Variants in ZNF536 observed in about 807,000 individuals in gnomAD.
ZNF536 encodes the protein zinc finger protein 536.
In ZNF536, 13 loss-of-function variants were observed where a neutral mutation model predicts 84.5. That is an observed-to-expected ratio of 0.15 (90% CI 0.10 to 0.24). The LOEUF (loss-of-function observed/expected upper bound fraction) is 0.24. ZNF536 is among the 10% of genes least tolerant of loss of function. The pLI is 1.00. For synonymous variants in ZNF536, 811 were observed against 742.5 expected, an observed-to-expected ratio of 1.09 and a Z score of -1.50; for missense variants, 1,536 against 1,747.5, an observed-to-expected ratio of 0.88 and a Z score of 2.16.
At chr19:30,650,279 C>T (rs2049650548) in intron 1 of ZNF536, among the ~76,000 whole-genome samples, 4 of 152,186 alleles carry the variant, frequency 2.6e-5, no homozygotes. Flanking sequence ...GGTGAGAGCC[C>T]TGACCCCGTT....
intron 1 of ZNF536, among the ~76,000 whole-genome samples, chr19:30,405,780 AT>A (rs199547095): frequency 0.14 from 20,163 of 141,288 alleles, 1,304 homozygotes; most frequent in East Asian, 0.21. Flanking sequence ...CACTGTTAAC[AT>A]TTTTTTTTTT....
chr19:30,262,967 G>A (rs978315180), intron 1 of ZNF536, among the ~76,000 whole-genome samples: 1 of 152,336 alleles, frequency 6.6e-6, no homozygotes. Context: ...GGGTGCTAGA[G>A]CACCAAGCCC....
chr19:30,290,258 A>G (rs1343298424), intron 2 of ZNF536, among the ~76,000 whole-genome samples: 1 of 152,074 alleles, frequency 6.6e-6, no homozygotes, highest in Non-Finnish European at 1.5e-5. Flanking sequence ...TATATACCAC[A>G]TTTTATTTTA....
rs577281253 is a variant in ZNF536 at position 30,682,906 on chromosome 19, A to G, written c.170-27851A>G. 4.6e-5 allele frequency among the ~76,000 whole-genome samples: 7 copies of G among 152,300 alleles called. No homozygotes were observed. In the South Asian group the frequency reaches 6.2e-4, roughly 14 times the overall value. On this transcript the variant is annotated intron_variant, in intron 1 of 1. Coordinates refer to the ZNF536 transcript ENST00000592773. ...CTGGTCTCCATGACGACAAGATGGT[A>G]TATGTTTAATTAGTTCAGGCTTATT...
intron 1 of ZNF536, among the ~76,000 whole-genome samples, chr19:30,423,634 C>T (rs74377003): frequency 0.014 from 2,156 of 152,324 alleles, 39 homozygotes; most frequent in East Asian, 0.073. Context: ...GCCAGGCCTT[C>T]GCCAGCTGGG....
intron 1 of ZNF536, among the ~76,000 whole-genome samples, chr19:30,230,896 G>A (rs1372901177): frequency 6.6e-6 from 1 of 152,022 alleles, no homozygotes; most frequent in Non-Finnish European, 1.5e-5. Context: ...GCTGTGAATG[G>A]CACAGGTGTT....
At chr19:30,712,947 T>TAAAAAAA (rs1568700392) in exon 2 of ZNF536, 1 of 96,326 alleles carries the variant, frequency 1.0e-5, no homozygotes, top group African/African-American at 3.9e-5. Context: ...AAAAAAAACA[T>TAAAAAAA]AAAAAAAAAA....
chr19:30,270,180 A>G (rs1169091452), intron 1 of ZNF536, among the ~76,000 whole-genome samples: 1 of 152,224 alleles, frequency 6.6e-6, no homozygotes, highest in Non-Finnish European at 1.5e-5. Context: ...AAGACCCACC[A>G]GCCGACAATT....
intron 1 of ZNF536, among the ~76,000 whole-genome samples, chr19:30,247,123 C>T (rs2024324073): frequency 6.6e-6 from 1 of 152,234 alleles, no homozygotes; most frequent in Non-Finnish European, 1.5e-5. Context: ...AAGTCTCCAG[C>T]TTCCTGTTCC....
chr19:30,640,319 G>T (rs1179908110), intron 1 of ZNF536, among the ~76,000 whole-genome samples: 1 of 152,006 alleles, frequency 6.6e-6, no homozygotes, highest in African/African-American at 2.4e-5. Context: ...AGCTTTTCTA[G>T]TTGTGCTCAA....
At chr19:30,563,853 G>T (rs2046260334) in intron 1 of ZNF536, among the ~76,000 whole-genome samples, 1 of 152,172 alleles carries the variant, frequency 6.6e-6, no homozygotes, top group Admixed American at 6.5e-5. Context: ...TGCCCAGCCT[G>T]ACAACCCCTG....
chr19:30,584,692 C>T (rs995458684), intron 1 of ZNF536, among the ~76,000 whole-genome samples: 1 of 152,182 alleles, frequency 6.6e-6, no homozygotes, highest in East Asian at 1.9e-4. Flanking sequence ...CCTGATTCAT[C>T]ATCATTTCTC....
intron 1 of ZNF536, among the ~76,000 whole-genome samples, chr19:30,393,651 A>C (rs2147373292): frequency 6.6e-6 from 1 of 152,194 alleles, no homozygotes; most frequent in Non-Finnish European, 1.5e-5. Context: ...AGAGCGTTCC[A>C]GGCAGAGGGA....
At chr19:30,287,070 C>T (rs1012347158) in intron 2 of ZNF536, among the ~76,000 whole-genome samples, 7 of 152,178 alleles carry the variant, frequency 4.6e-5, no homozygotes, top group African/African-American at 9.7e-5. Flanking sequence ...TCTCCTACTG[C>T]GACGTAAGAG....
intron 2 of ZNF536, among the ~76,000 whole-genome samples, chr19:30,457,866 C>T (rs916255177): frequency 2.0e-5 from 3 of 152,162 alleles, no homozygotes; most frequent in Non-Finnish European, 4.4e-5. Context: ...AGGGCTGCAC[C>T]CCCAGTATGT....
intron 1 of ZNF536, among the ~76,000 whole-genome samples, chr19:30,684,802 G>A (rs978437494): frequency 9.2e-5 from 14 of 152,160 alleles, no homozygotes; most frequent in African/African-American, 2.9e-4. Context: ...CGCAGGGGGC[G>A]GGACATGGGC....
At chr19:30,440,298 C>T (rs954594782) in intron 1 of ZNF536, among the ~76,000 whole-genome samples, 2 of 152,222 alleles carry the variant, frequency 1.3e-5, no homozygotes, top group Non-Finnish European at 2.9e-5. Context: ...GAACCTTCAG[C>T]TTCTCAGTGG....
At chr19:30,228,508 CCGAGAACT>C (rs1259191304) in exon 1 of ZNF536, 2 of 152,148 alleles carry the variant, frequency 1.3e-5, no homozygotes, top group Non-Finnish European at 2.9e-5. This position sits in a 1 kb window ranked among gnomAD's most constrained non-coding sequence, Gnocchi z 4.5. Context: ...CGGGGCTGCT[CCGAGAACT>C]CGTACAGTAG....
intron 1 of ZNF536, among the ~76,000 whole-genome samples, chr19:30,276,984 A>G (rs2026162362): frequency 6.6e-6 from 1 of 152,238 alleles, no homozygotes; most frequent in South Asian, 2.1e-4. Flanking sequence ...GATGAGCCCA[A>G]TCAGGGAAAT....
Sources: gnomAD v4.1 joint callset for allele counts (sites outside exome capture counted in the v4.1 genomes callset) on GRCh38, gnomAD v4.1.1 for gene constraint, Gnocchi (gnomAD v3.1) non-coding constraint, MANE v1.5 for transcripts, NCBI Gene and HGNC (gene_info 2026-07-23, HGNC 2026-07-21) for gene names.